Variants in GPHN observed in about 807,000 individuals in gnomAD.
GPHN encodes the protein gephyrin.
GPHN carries 17 observed loss-of-function variants against 95.5 expected under a neutral mutation model. The ratio of observed to expected loss-of-function variants is 0.18; its 90% CI spans 0.12 to 0.27. The LOEUF is 0.27. GPHN is among the 10% of genes least tolerant of loss of function. The pLI is 1.00. For synonymous variants in GPHN, 320 were observed against 322.5 expected (o/e 0.99, Z 0.08); for missense variants, 660 against 978.1 (o/e 0.67, Z 4.34).
chr14:67,272,149 T>C, the GPHN span: 1 of 152,250 alleles, frequency 6.6e-6, no homozygotes, highest in Non-Finnish European at 1.5e-5. Flanking sequence ...AAATCACTCC[T>C]CTTTTTTAAA....
the GPHN span, chr14:67,533,610 C>G: frequency 6.6e-6 from 1 of 152,126 alleles, no homozygotes; most frequent in Non-Finnish European, 1.5e-5. Context: ...CGCCGCGAGG[C>G]CAGGAGGAGC....
chr14:67,014,437 A>G (rs1276223128), intron 9 of GPHN, among the ~76,000 whole-genome samples: 2 of 152,012 alleles, frequency 1.3e-5, no homozygotes, highest in Non-Finnish European at 2.9e-5. Context: ...TTGTTATACC[A>G]TTCTCCGTCA....
intron 2 of GPHN, among the ~76,000 whole-genome samples, chr14:66,710,215 G>A (rs887854712): frequency 6.6e-6 from 1 of 152,120 alleles, no homozygotes; most frequent in Non-Finnish European, 1.5e-5. Context: ...ATATTAAGAT[G>A]CTAAAATAAT....
the GPHN span, chr14:67,678,256 C>G: frequency 9.4e-7 from 1 of 1,068,390 alleles, no homozygotes. Flanking sequence ...GAAGGAGAAT[C>G]ATTTTGACAA....
chr14:67,693,034 C>A, the GPHN span: 2 of 1,612,826 alleles, frequency 1.2e-6, no homozygotes, highest in South Asian at 2.2e-5. Flanking sequence ...ATGTACACAC[C>A]CCACTGGACA....
At chr14:67,398,143 T>C in the GPHN span, 1 of 225,908 alleles carries the variant, frequency 4.4e-6, no homozygotes, top group Non-Finnish European at 8.6e-6. Context: ...TTCCTTCCGG[T>C]CTTTTTTCCT....
chr14:67,243,851 A>G, the GPHN span, among the ~76,000 whole-genome samples: 1 of 152,158 alleles, frequency 6.6e-6, no homozygotes, highest in Non-Finnish European at 1.5e-5. Context: ...GTTGGAAGTA[A>G]TCTTAGTGGT....
chr14:67,038,482 A>G (rs2074540430), intron 10 of GPHN, among the ~76,000 whole-genome samples: 1 of 152,198 alleles, frequency 6.6e-6, no homozygotes, highest in Admixed American at 6.5e-5. Flanking sequence ...TGGAAAATGT[A>G]TTAAAAAGTT....
At chr14:67,712,862 C>T in the GPHN span, among the ~76,000 whole-genome samples, 1 of 152,006 alleles carries the variant, frequency 6.6e-6, no homozygotes, top group Non-Finnish European at 1.5e-5. Context: ...GAAAATAAAG[C>T]CCCTTTAGTA....
intron 2 of GPHN, among the ~76,000 whole-genome samples, chr14:66,775,279 A>C (rs930473216): frequency 4.0e-5 from 6 of 151,820 alleles, no homozygotes; most frequent in African/African-American, 1.5e-4. Flanking sequence ...TTTTTTTGTT[A>C]CTGAGGTATA....
chr14:67,319,571 C>T, the GPHN span, among the ~76,000 whole-genome samples: 1 of 145,352 alleles, frequency 6.9e-6, no homozygotes, highest in African/African-American at 2.6e-5. Flanking sequence ...TCTGGGGCCA[C>T]ACGTAAAATA....
chr14:67,644,581 G>A, the GPHN span, among the ~76,000 whole-genome samples: 1 of 152,168 alleles, frequency 6.6e-6, no homozygotes, highest in Admixed American at 6.5e-5. Context: ...AAATTCCTTG[G>A]TTACTGGGAA....
At chr14:66,615,595 C>G (rs780155315) in intron 1 of GPHN, among the ~76,000 whole-genome samples, 2 of 148,464 alleles carry the variant, frequency 1.3e-5, no homozygotes, top group Non-Finnish European at 3.0e-5. Context: ...TGTTTAAGTT[C>G]CTTGTAGATT....
intron 17 of GPHN, among the ~76,000 whole-genome samples, chr14:67,124,490 A>G (rs1807747455): frequency 6.6e-6 from 1 of 152,226 alleles, no homozygotes; most frequent in Non-Finnish European, 1.5e-5. Flanking sequence ...GGGCCTTAGC[A>G]GTAACCTATC....
the GPHN span, among the ~76,000 whole-genome samples, chr14:67,618,964 A>G: frequency 0.034 from 5,142 of 152,290 alleles, 253 homozygotes; most frequent in African/African-American, 0.11. Context: ...TTATGTAAAA[A>G]ATTAATTTGG....
chr14:67,100,750 C>T, intron 12 of GPHN, 106 bp from the exon 13 acceptor site: 1 of 767,708 alleles, frequency 1.3e-6, no homozygotes, highest in South Asian at 1.4e-5. Context: ...CTTCTCTAAG[C>T]CTTATCAAAT....
At chr14:67,439,919 G>A in the GPHN span, among the ~76,000 whole-genome samples, 628 of 152,118 alleles carry the variant, frequency 4.1e-3, 2 homozygotes, top group South Asian at 6.9e-3. Context: ...GCTTGCTGCA[G>A]CCTCAACTTC....
chr14:66,815,407 A>C (rs2060922028), intron 3 of GPHN, among the ~76,000 whole-genome samples: 1 of 152,224 alleles, frequency 6.6e-6, no homozygotes, highest in Non-Finnish European at 1.5e-5. Context: ...TGTTAAAGGC[A>C]GCTAGAGTGA....
intron 2 of GPHN, among the ~76,000 whole-genome samples, chr14:66,729,152 GAGGCCTCC>G (rs2071527502): frequency 6.6e-6 from 1 of 152,064 alleles, no homozygotes; most frequent in African/African-American, 2.4e-5. Flanking sequence ...CCATGATTGT[GAGGCCTCC>G]CCAGCCACAT....
Sources: gnomAD v4.1 joint callset for allele counts (sites outside exome capture counted in the v4.1 genomes callset) on GRCh38, gnomAD v4.1.1 for gene constraint, MANE v1.5 for transcripts, NCBI Gene and HGNC (gene_info 2026-07-23, HGNC 2026-07-21) for gene names.